The following CARMIL2 variants were observed in gnomAD, a reference collection of about 807,000 sequenced individuals.
CARMIL2 encodes capping protein, Arp2/3 and myosin-I linker protein 2.
A neutral mutation model predicts 173.3 loss-of-function variants in CARMIL2; 96 were observed. That is an observed-to-expected ratio of 0.55 (90% CI 0.47 to 0.66). CARMIL2 has a LOEUF of 0.66. Among genes scored for constraint, CARMIL2 ranks in the 30% least tolerant of loss-of-function variants. The pLI, the probability that CARMIL2 is intolerant of heterozygous loss-of-function variation, is 0.00. For missense variants in CARMIL2, 1,771 were observed against 1,906.7 expected (o/e 0.93, Z 1.33); for synonymous variants, 830 against 817.1 (o/e 1.02, Z -0.27).
At position 67,649,349 on chromosome 16, in the gene CARMIL2, G is replaced by A. The variant is rs1320051268; in HGVS notation, c.1746+38G>A. 2 of 1,609,630 alleles carry A rather than the reference G, an allele frequency of 1.2e-6. No homozygotes were observed. The highest frequency in any genetic ancestry group is 3.3e-5 in the Admixed American group (2 of 60,006). ...GACCTTGCAGGGCCTCGGGCAATTA[G>A]ACCACTTTGGTCCTCCTTTCTCTTG... On this transcript the variant is annotated intron_variant, in intron 19 of 37. Transcript: ENST00000334583. This position sits in a 1 kb window ranked among gnomAD's most constrained non-coding sequence, Gnocchi z 6.7.
Position 67,657,180 on chromosome 16 carries a change from AG to A in CARMIL2, c.4118-55del. The A allele has an allele frequency of 6.9e-7, 1 of 1,454,436 alleles. No homozygotes were observed. The highest frequency in any genetic ancestry group is 9.6e-7 in the Non-Finnish European group (1 of 1,045,318). The allele number at this position is 1,454,436 out of a possible 1,614,324, so 90.1% of individuals were successfully genotyped here. On this transcript the variant is annotated intron_variant, in intron 36 of 37. Transcript: ENST00000334583. The surrounding 1 kb of genome is among the most constrained non-coding windows in gnomAD (Gnocchi z 4.5). ...TGCACTGGAGGTGGAAGAGAGGGGCAGGGGATGGACAGACCCCAAGCCTTAG... is the reference window on the plus strand; with the variant it reads ...TGCACTGGAGGTGGAAGAGAGGGGCAGGGATGGACAGACCCCAAGCCTTAG...
At chr16:67,655,881 A>C in intron 32 of CARMIL2, 150 bp from the exon 33 acceptor site, 1 of 782,264 alleles carries the variant, frequency 1.3e-6, no homozygotes, top group South Asian at 1.9e-5. Context: ...AAGTGTGCAA[A>C]GAGTTCTAAG....
chr16:67,649,780 C>T lies in CARMIL2; in HGVS notation c.1920-26C>T, dbSNP rs773917212. 1 of 1,602,510 alleles carries T rather than the reference C, an allele frequency of 6.2e-7. No individual in the cohort carries two copies. Among genetic ancestry groups the T allele is most frequent in the Non-Finnish European group, 8.5e-7 (1 of 1,173,580 alleles). The stretch of plus-strand genomic sequence containing the variant: ...GGGTGGGGCGTTGGGAAGCTCCGTC[C>T]CCGACTGAAGCCAGGCCCGGCCCAG... On this transcript the variant is annotated intron_variant, in intron 20 of 37. Coordinates refer to ENST00000334583, the MANE Select transcript of CARMIL2 (RefSeq NM_001013838.3). The surrounding 1 kb of genome is among the most constrained non-coding windows in gnomAD (Gnocchi z 6.7).
In CARMIL2 at chr16:67,646,422, C is replaced by T; in HGVS notation, c.375-4C>T. On this transcript the variant is annotated splice_polypyrimidine_tract_variant and splice_region_variant and intron_variant, in intron 5 of 37. Transcript: ENST00000334583. This position sits in a 1 kb window ranked among gnomAD's most constrained non-coding sequence, Gnocchi z 4.6. ...TTGCCCCCTTCTCCTTAACCCCCTACCAGGAAGCTATTCCGGAGGCCCACA... is the reference window on the plus strand; with the variant it reads ...TTGCCCCCTTCTCCTTAACCCCCTATCAGGAAGCTATTCCGGAGGCCCACA... 1.2e-5 allele frequency: 19 copies of T among 1,613,126 alleles called. No homozygotes were observed. Among genetic ancestry groups the T allele is most frequent in the Non-Finnish European group, 1.6e-5 (19 of 1,179,550 alleles).
rs775801235 is a variant in CARMIL2 at position 67,657,542 on chromosome 16, G to A, written c.*24G>A. The A allele has an allele frequency of 2.5e-6, 4 of 1,613,798 alleles. No individual in the cohort carries two copies. Among genetic ancestry groups the A allele is most frequent in the African/African-American group, 2.7e-5 (2 of 75,054 alleles). The stretch of plus-strand genomic sequence containing the variant: ...GATCCTCTCCTCTCCTGCCGCATGA[G>A]ATTATTTTATTAAAAAACTCAAAGG... On this transcript the variant is annotated 3_prime_UTR_variant, in exon 38 of 38. Transcript: ENST00000334583. The surrounding 1 kb of genome is among the most constrained non-coding windows in gnomAD (Gnocchi z 4.5).
At position 67,646,501 on chromosome 16, in the gene CARMIL2, C is replaced by T; in HGVS notation, c.450C>T (p.Asp150=). 1 of 1,613,182 alleles carries T rather than the reference C, an allele frequency of 6.2e-7. No individual in the cohort carries two copies. The highest frequency in any genetic ancestry group is 8.5e-7 in the Non-Finnish European group (1 of 1,179,786). ...GAAGCAGCCCCTCGGAGTCCACTGA[C>T]CCCTGCAGCCCCTGTGGTAAGGGTG... The part of the protein sequence containing the change: ...LERSSPSEST[D]PCSPCGGFLE... Residue 150 remains aspartate (D), a synonymous_variant, in exon 6 of 38, where the codon GAC becomes GAT. Transcript: ENST00000334583. This position sits in a 1 kb window ranked among gnomAD's most constrained non-coding sequence, Gnocchi z 4.6.
rs78320020 is a variant in CARMIL2 at position 67,651,997 on chromosome 16, C to T, written c.2665C>T (p.Arg889Trp). ...AQALAGLSAA[R>W]DQLVESLAQQ... ...GGCTTTGGCAGGCCTGAGTGCAGCC[C>T]GGGATCAGCTGGTGAGGGGGAGATG... Residue 889 changes from arginine (R) to tryptophan (W), a missense_variant, in exon 26 of 38, where the codon CGG (arginine) becomes TGG (tryptophan). By Grantham distance (101) the Arg-to-Trp change is moderately radical. Around this residue, in one of 3 missense-constraint regions of CARMIL2, gnomAD observed 817 missense variants for 903.5 expected, o/e 0.90. Transcript: ENST00000334583. The surrounding 1 kb of genome is among the most constrained non-coding windows in gnomAD (Gnocchi z 4.2). The T allele has an allele frequency of 0.012, 18,969 of 1,613,454 alleles. 171 individuals are homozygous for T. The highest frequency in any genetic ancestry group is 0.013 in the Non-Finnish European group (15,563 of 1,179,820).
chr16:67,648,456 C>A lies in CARMIL2; in HGVS notation c.1393C>A (p.Arg465=). The A allele has an allele frequency of 6.9e-7, 1 of 1,453,512 alleles. No homozygotes were observed. The allele number at this position is 1,453,512 out of a possible 1,614,324, so 90.0% of individuals were successfully genotyped here. A position where few individuals can be genotyped will look rare whatever the true frequency, so the allele number is the denominator to read the frequency against. ...QLFLSRARTL[R]HLGLAGCKLP... is the part of the protein sequence containing the mutation. ...CTTCCTCAGCCGCGCGCGGACGCTG[C>A]GGCACCTGGGCCTGGCGGGCTGCAA... Residue 465 remains arginine (R), a synonymous_variant, in exon 15 of 38, where the codon CGG becomes AGG. Coordinates refer to ENST00000334583, the MANE Select transcript of CARMIL2 (RefSeq NM_001013838.3). This position sits in a 1 kb window ranked among gnomAD's most constrained non-coding sequence, Gnocchi z 6.1.
rs373910960 is a variant in CARMIL2, at chr16:67,647,384, G to C, written c.773G>C (p.Arg258Thr). ...EELVLETCSL[R>T]GDFVRRLAQA... The stretch of plus-strand genomic sequence containing the variant: ...CTGGTGCTGGAGACCTGCAGCCTGA[G>C]GGGGTGAGGGGGACAGGGCAGGGCT... Residue 258 changes from arginine to threonine, a missense_variant, in exon 10 of 38, where the codon AGG becomes ACG. Arg to Thr is a moderately conservative substitution (Grantham distance 71, BLOSUM62 -1). This residue lies in a region of CARMIL2 where 944 missense variants were observed against 975.6 expected (regional missense o/e 0.97). Coordinates refer to ENST00000334583, the MANE Select transcript of CARMIL2 (RefSeq NM_001013838.3). 3.2e-6 allele frequency: 5 copies of C among 1,574,834 alleles called. No homozygotes were observed. Among genetic ancestry groups the C allele is most frequent in the Non-Finnish European group, 3.4e-6 (4 of 1,160,062 alleles).
chr16:67,655,622 T>G (rs1356980114), intron 32 of CARMIL2, among the ~76,000 whole-genome samples: 1 of 152,122 alleles, frequency 6.6e-6, no homozygotes, highest in Admixed American at 6.5e-5. Flanking sequence ...CACACGTCCC[T>G]GGGTGGTCTG....
chr16:67,655,107 GAA>G (rs377495842), intron 32 of CARMIL2, among the ~76,000 whole-genome samples: 2 of 152,352 alleles, frequency 1.3e-5, no homozygotes, highest in African/African-American at 4.8e-5. Context: ...TTGGACCTGA[GAA>G]AGTCTTTTCT....
chr16:67,645,809 C>T (rs201782546), intron 3 of CARMIL2, 32 bp downstream of exon 3: 113 of 1,608,372 alleles, frequency 7.0e-5, no homozygotes, highest in Non-Finnish European at 9.2e-5. Flanking sequence ...CACCCCCGCC[C>T]GCCAGCAGCT....
At position 67,649,822 on chromosome 16, in the gene CARMIL2, C is replaced by T. The variant is rs758529156; in HGVS notation, c.1936C>T (p.Arg646Trp). The change falls in exon 21 of 38, where the codon CGG becomes TGG. Residue 646 changes from arginine (R) to tryptophan (W), a missense_variant. By Grantham distance (101) the Arg-to-Trp change is moderately radical (BLOSUM62 -3). Around this residue, in one of 3 missense-constraint regions of CARMIL2, gnomAD observed 944 missense variants for 975.6 expected, o/e 0.97. Coordinates refer to ENST00000334583, the MANE Select transcript of CARMIL2 (RefSeq NM_001013838.3). This position sits in a 1 kb window ranked among gnomAD's most constrained non-coding sequence, Gnocchi z 6.7. ...CCGGCCCAGGTCTGTGGTCTGGGAC[C>T]GGAACCACACATCTGCTTTGGGTCT... ...NSRLRSVVWD[R>W]NHTSALGLLD... 6 of 1,611,986 alleles carry T rather than the reference C, an allele frequency of 3.7e-6. No individual in the cohort carries two copies. The highest frequency in any genetic ancestry group is 1.7e-4 in the Middle Eastern group (1 of 6,042).
In CARMIL2 at chr16:67,652,669, C is replaced by T. The variant is rs1431739547; in HGVS notation, c.2884+131C>T. The T allele has an allele frequency of 3.3e-6, 3 of 906,594 alleles. No individual in the cohort carries two copies. The highest frequency in any genetic ancestry group is 3.3e-5 in the African/African-American group (2 of 60,352). 56.2% of individuals were successfully genotyped at this position (906,594 alleles called of 1,614,324 possible). On this transcript the variant is annotated intron_variant, in intron 28 of 37. Transcript: ENST00000334583. This position sits in a 1 kb window ranked among gnomAD's most constrained non-coding sequence, Gnocchi z 4.7. ...CCACCAGCCCTTGACTGGGCCAGGT[C>T]GGGCCCCTTGTGCAACCTGCAAAGC...
chr16:67,649,573 G>A lies in CARMIL2; in HGVS notation c.1873G>A (p.Gly625Ser), dbSNP rs1025285763. ...DISGNAMGDAGAKLLAKALRV... is the reference protein window; with the variant it reads ...DISGNAMGDASAKLLAKALRV... The stretch of plus-strand genomic sequence containing the variant: ...CAGCGGCAACGCCATGGGGGACGCG[G>A]GCGCCAAGTTGCTGGCCAAGGCGCT... Residue 625 changes from glycine to serine, a missense_variant, in exon 20 of 38, where the codon GGC (glycine) becomes AGC (serine). By Grantham distance (56) the Gly-to-Ser change is moderately conservative (BLOSUM62 0). Transcript: ENST00000334583. This position sits in a 1 kb window ranked among gnomAD's most constrained non-coding sequence, Gnocchi z 6.7. 3.1e-6 allele frequency: 5 copies of A among 1,601,614 alleles called. No individual in the cohort carries two copies. Among genetic ancestry groups the A allele is most frequent in the Admixed American group, 1.7e-5 (1 of 59,988 alleles).
In CARMIL2 at chr16:67,646,310, G is replaced by A; in HGVS notation, c.374G>A (p.Gly125Glu). 1 of 1,612,916 alleles carries A rather than the reference G, an allele frequency of 6.2e-7. No homozygotes were observed. Among genetic ancestry groups the A allele is most frequent in the Non-Finnish European group, 8.5e-7 (1 of 1,179,260 alleles). ...IKKVFPRSTL[G>E]KLFRRPTPAS... ...AAGGTCTTCCCTCGCTCGACCCTTG[G>A]GTGAGGCCTGGCAAATTCGAGGGGC... Residue 125 changes from glycine (G) to glutamate (E), a missense_variant and splice_region_variant, in exon 5 of 38, where the codon GGG becomes GAG. Gly to Glu is a moderately conservative substitution (Grantham distance 98). Coordinates refer to ENST00000334583, the MANE Select transcript of CARMIL2 (RefSeq NM_001013838.3). This position sits in a 1 kb window ranked among gnomAD's most constrained non-coding sequence, Gnocchi z 4.6.
Position 67,648,804 on chromosome 16 carries a change from G to A in CARMIL2, c.1509+50G>A. The stretch of plus-strand genomic sequence containing the variant: ...CCACACATTGGGAGAGGCGCTGGGA[G>A]GCGGAAGGGCAGGGCCGTGGGCCGC... On this transcript the variant is annotated intron_variant, in intron 16 of 37. Coordinates refer to ENST00000334583, the MANE Select transcript of CARMIL2 (RefSeq NM_001013838.3). This position sits in a 1 kb window ranked among gnomAD's most constrained non-coding sequence, Gnocchi z 6.1. 7 of 1,568,658 alleles carry A rather than the reference G, an allele frequency of 4.5e-6. No homozygotes were observed. Among genetic ancestry groups the A allele is most frequent in the Non-Finnish European group, 6.0e-6 (7 of 1,157,314 alleles).
Position 67,646,301 on chromosome 16 carries a change from C to T in CARMIL2, c.365C>T (p.Ser122Leu), listed in dbSNP as rs752128218. 4 of 1,613,320 alleles carry T rather than the reference C, an allele frequency of 2.5e-6. No homozygotes were observed. Among genetic ancestry groups the T allele is most frequent in the Admixed American group, 1.7e-5 (1 of 59,950 alleles). Residue 122 changes from serine (S) to leucine (L), a missense_variant, in exon 5 of 38, where the codon TCG (serine) becomes TTG (leucine). Physicochemically the swap from Ser to Leu is moderately radical, Grantham distance 145. Transcript: ENST00000334583. The surrounding 1 kb of genome is among the most constrained non-coding windows in gnomAD (Gnocchi z 4.6). ...GCCATCAAGAAGGTCTTCCCTCGCT[C>T]GACCCTTGGGTGAGGCCTGGCAAAT... is the stretch of plus-strand genomic sequence containing the variant. ...AAAIKKVFPR[S>L]TLGKLFRRPT...
At position 67,648,609 on chromosome 16, in the gene CARMIL2, T is replaced by G. The variant is rs1236815838; in HGVS notation, c.1440-76T>G. ...CGCTCCCACAACCTCCCCCAGATCC[T>G]GGCCCTGCCTCCTTCGTTCGCACCC... On this transcript the variant is annotated intron_variant, in intron 15 of 37. Transcript: ENST00000334583. This position sits in a 1 kb window ranked among gnomAD's most constrained non-coding sequence, Gnocchi z 6.1. 6.9e-7 allele frequency: 1 copy of G among 1,458,638 alleles called. No homozygotes were observed. The highest frequency in any genetic ancestry group is 9.3e-7 in the Non-Finnish European group (1 of 1,074,522). The allele number at this position is 1,458,638 out of a possible 1,614,324, so 90.4% of individuals were successfully genotyped here. A position where few individuals can be genotyped will look rare whatever the true frequency, so the allele number is the denominator to read the frequency against.
Sources: gnomAD v4.1 joint callset for allele counts (sites outside exome capture counted in the v4.1 genomes callset) on GRCh38, gnomAD v4.1.1 for gene constraint, gnomAD v4.1.1 regional missense constraint, Gnocchi (gnomAD v3.1) non-coding constraint, MANE v1.5 for transcripts, NCBI Gene and HGNC (gene_info 2026-07-23, HGNC 2026-07-21) for gene names.